The following CDH4 variants were observed in gnomAD, a reference collection of about 807,000 sequenced individuals.
The protein encoded by CDH4 is cadherin 4.
A neutral mutation model predicts 86.0 loss-of-function variants in CDH4; 33 were observed. The ratio of observed to expected loss-of-function variants is 0.38; its 90% CI spans 0.29 to 0.51. The LOEUF (loss-of-function observed/expected upper bound fraction) is 0.51, where lower values mean the gene tolerates loss of function less well. Ranked by LOEUF, CDH4 falls within the 20% of genes least tolerant of loss-of-function variation. The pLI is 0.86. For missense variants in CDH4, 1,114 were observed against 1,307.4 expected, an observed-to-expected ratio of 0.85 and a Z score of 2.28; for synonymous variants, 555 against 549.4, an observed-to-expected ratio of 1.01 and a Z score of -0.14.
At chr20:61,593,231 C>T (rs2086530904) in intron 2 of CDH4, among the ~76,000 whole-genome samples, 1 of 152,242 alleles carries the variant, frequency 6.6e-6, no homozygotes, top group African/African-American at 2.4e-5. Flanking sequence ...TACACTTTGT[C>T]CGTCCTTGCC....
Position 61,608,212 on chromosome 20 carries a change from A to T in CDH4, c.170-135351A>T, listed in dbSNP as rs778968819. On this transcript the variant is annotated intron_variant, in intron 2 of 15. Coordinates refer to ENST00000614565, the MANE Select transcript of CDH4 (RefSeq NM_001794.5). The stretch of plus-strand genomic sequence containing the variant: ...TGCTTGTCATAACGCTTGATTAACC[A>T]GTCCAACCAGCATGCATAATTTGGC... Among the ~76,000 whole-genome samples the T allele has an allele frequency of 2.6e-4, 39 of 152,238 alleles. 1 individual carries two copies. The highest frequency in any genetic ancestry group is 6.2e-4 in the South Asian group (3 of 4,832).
At chr20:61,428,687 G>T (rs2085228051) in intron 2 of CDH4, among the ~76,000 whole-genome samples, 1 of 152,216 alleles carries the variant, frequency 6.6e-6, no homozygotes, top group Admixed American at 6.5e-5. Flanking sequence ...TGTGGTCCAT[G>T]TGATGTTCTC....
rs562076110 is a variant in CDH4, at chr20:61,797,342, G to A, written c.576+24160G>A. On this transcript the variant is annotated intron_variant, in intron 4 of 15. Transcript: ENST00000614565. ...GCCATCCACTGCCCAGGGTGGGGAC[G>A]AGCAGGAAAGAGGCTGAAACTGCAC... 2.6e-5 allele frequency among the ~76,000 whole-genome samples: 4 copies of A among 152,352 alleles called. No homozygotes were observed. The South Asian group carries it at 8.3e-4, about 32-fold the overall frequency.
chr20:61,922,168 A>T lies in CDH4; in HGVS notation c.1375-1283A>T, dbSNP rs115760859. On this transcript the variant is annotated intron_variant, in intron 9 of 15. Coordinates refer to ENST00000614565, the MANE Select transcript of CDH4 (RefSeq NM_001794.5). ...TCTCGACAGATACTACGCAATGAAT[A>T]CTCTTATGCATATGTTACTTTGCAC... 6.8e-3 allele frequency among the ~76,000 whole-genome samples: 1,028 copies of T among 152,228 alleles called. 17 individuals are homozygous for T. The highest frequency in any genetic ancestry group is 0.024 in the African/African-American group (992 of 41,522).
At chr20:61,766,593 G>T (rs1660938373) in intron 3 of CDH4, among the ~76,000 whole-genome samples, 1 of 152,214 alleles carries the variant, frequency 6.6e-6, no homozygotes, top group South Asian at 2.1e-4. Context: ...TCACAGATGA[G>T]GGACTGAGAT....
chr20:61,481,251 G>A (rs2145578953), intron 2 of CDH4, among the ~76,000 whole-genome samples: 1 of 152,316 alleles, frequency 6.6e-6, no homozygotes, highest in Admixed American at 6.5e-5. Context: ...TGGAATTGAG[G>A]GACGGAGGCC....
At chr20:61,897,010 G>A (rs923552975) in intron 8 of CDH4, among the ~76,000 whole-genome samples, 2 of 152,162 alleles carry the variant, frequency 1.3e-5, no homozygotes, top group South Asian at 2.1e-4. Context: ...ATGGAGAACC[G>A]GCAGGATGTC....
intron 2 of CDH4, among the ~76,000 whole-genome samples, chr20:61,571,288 C>G (rs151188145): frequency 2.6e-3 from 396 of 152,176 alleles, no homozygotes; most frequent in Non-Finnish European, 4.3e-3. Flanking sequence ...CTGGGAGGAC[C>G]CTGGCATCCT....
intron 2 of CDH4, among the ~76,000 whole-genome samples, chr20:61,527,448 C>T (rs2085919060): frequency 6.6e-6 from 1 of 152,190 alleles, no homozygotes; most frequent in Admixed American, 6.5e-5. Flanking sequence ...CAGGGTTTCA[C>T]CCTGATGGCT....
intron 4 of CDH4, among the ~76,000 whole-genome samples, chr20:61,800,592 GC>G (rs1979778001): frequency 6.6e-6 from 1 of 152,260 alleles, no homozygotes; most frequent in Admixed American, 6.5e-5. Context: ...GAGCGGGGCT[GC>G]AGTGTGAGCC....
intron 2 of CDH4, among the ~76,000 whole-genome samples, chr20:61,580,273 G>A (rs999414436): frequency 2.6e-5 from 4 of 152,072 alleles, no homozygotes; most frequent in Non-Finnish European, 5.9e-5. Context: ...TGGCTAACAT[G>A]ATGAAACCCC....
chr20:61,331,671 C>CCTGCCCCCGCCAACTGCCCCAGGTCT (rs1336958033), intron 2 of CDH4, among the ~76,000 whole-genome samples: 52 of 145,230 alleles, frequency 3.6e-4, no homozygotes, highest in Non-Finnish European at 4.8e-4. Context: ...GCCCCAGGCT[C>CCTGCCCCCGCCAACTGCCCCAGGTCT]ACCTCCTGCC....
chr20:61,528,463 G>GGAGGGGAGGGGAGGGGAGGGGGGT (rs2085928354), intron 2 of CDH4, among the ~76,000 whole-genome samples: 1 of 96,866 alleles, frequency 1.0e-5, no homozygotes, highest in African/African-American at 4.0e-5. Context: ...GAGGGGGAGA[G>GGAGGGGAGGGGAGGGGAGGGGGGT]GGAGGGGGAG....
chr20:61,331,826 G>A (rs948322255), intron 2 of CDH4, among the ~76,000 whole-genome samples: 1 of 151,786 alleles, frequency 6.6e-6, no homozygotes, highest in Non-Finnish European at 1.5e-5. Flanking sequence ...CTGGCTTTCT[G>A]TCTCTTCCCC....
chr20:61,363,491 C>T (rs960247632), intron 2 of CDH4, among the ~76,000 whole-genome samples: 6 of 152,152 alleles, frequency 3.9e-5, no homozygotes, highest in African/African-American at 1.4e-4. Flanking sequence ...AAGTCCTACA[C>T]ACACACACCT....
At position 61,696,525 on chromosome 20, in the gene CDH4, C is replaced by T. The variant is rs1415349209; in HGVS notation, c.170-47038C>T. Among the ~76,000 whole-genome samples the T allele has an allele frequency of 2.6e-5, 4 of 152,346 alleles. No homozygotes were observed. The East Asian group carries it at 7.7e-4, about 29-fold the overall frequency. ...CGCCAGCTGTGTACAGCAGAGCTCA[C>T]TCCTCCACAACATGGTCCTTAAGAC... On this transcript the variant is annotated intron_variant, in intron 2 of 15. Transcript: ENST00000614565.
rs770059202 is a variant in CDH4, at chr20:61,393,458, G to A, written c.169+138521G>A. Among the ~76,000 whole-genome samples the A allele has an allele frequency of 3.3e-4, 50 of 152,262 alleles. No homozygotes were observed. The highest frequency in any genetic ancestry group is 1.2e-3 in the African/African-American group (48 of 41,544). On this transcript the variant is annotated intron_variant, in intron 2 of 15. Coordinates refer to ENST00000614565, the MANE Select transcript of CDH4 (RefSeq NM_001794.5). The surrounding 1 kb of genome is among the most constrained non-coding windows in gnomAD (Gnocchi z 4.3). ...AAAATTAAACCTGGATGCTTTGATC[G>A]CTGGCAGTAAGCGACACGCTGAACC...
intron 2 of CDH4, among the ~76,000 whole-genome samples, chr20:61,374,560 C>G (rs931716596): frequency 6.6e-5 from 10 of 152,166 alleles, no homozygotes; most frequent in Non-Finnish European, 1.2e-4. Context: ...GACGGTAGTA[C>G]CGATCTCACA....
chr20:61,762,028 G>A (rs555251438), intron 3 of CDH4, among the ~76,000 whole-genome samples: 2 of 152,376 alleles, frequency 1.3e-5, no homozygotes, highest in East Asian at 3.9e-4. Flanking sequence ...AGCCAGTCCA[G>A]CCTCAAGGCC....
Sources: allele counts gnomAD v4.1 joint callset (sites outside exome capture counted in the v4.1 genomes callset), GRCh38; gene constraint gnomAD v4.1.1; non-coding constraint Gnocchi (gnomAD v3.1); transcripts MANE v1.5; gene names NCBI Gene and HGNC (gene_info 2026-07-23, HGNC 2026-07-21).